NAPRT: variants seen among roughly 807,000 people sequenced by gnomAD.
The protein encoded by NAPRT is FHA-HIT-interacting protein.
NAPRT carries 66 observed loss-of-function variants against 60.7 expected under a neutral mutation model. The observed-to-expected ratio is 1.09, with a 90% CI of 0.89 to 1.33. The LOEUF (loss-of-function observed/expected upper bound fraction) is 1.33, where lower values mean the gene tolerates loss of function less well. Among genes scored for constraint, NAPRT ranks in the 40% most tolerant of loss-of-function variants. The pLI, the probability that NAPRT is intolerant of heterozygous loss-of-function variation, is 0.00. For synonymous variants in NAPRT, 405 were observed against 335.7 expected, an observed-to-expected ratio of 1.21 and a Z score of -2.26; for missense variants, 818 against 731.5, an observed-to-expected ratio of 1.12 and a Z score of -1.36.
chr8:143,573,478 C>G (rs1430772863), downstream of NAPRT: 1 of 152,184 alleles, frequency 6.6e-6, no homozygotes, highest in Non-Finnish European at 1.5e-5. Context: ...TAAGACTTCT[C>G]AAGATCTGGT....
downstream of NAPRT, chr8:143,573,678 T>A (rs1243021175): frequency 6.6e-6 from 1 of 152,334 alleles, no homozygotes; most frequent in Admixed American, 6.5e-5. Flanking sequence ...TTTACAGCAG[T>A]GCAAGAACGG....
Position 143,577,796 on chromosome 8 carries a change from G to GCCCGCTTA in NAPRT, c.354+12_354+19dup. 6.3e-7 allele frequency: 1 copy of GCCCGCTTA among 1,592,126 alleles called. No individual in the cohort carries two copies. The highest frequency in any genetic ancestry group is 1.1e-5 in the South Asian group (1 of 89,188). On this transcript the variant is annotated intron_variant, in intron 2 of 12. Transcript: ENST00000449291. ...CCCAGCACCCCGTGGCCGCCGCGCC[G>GCCCGCTTA]CCCGCTTACCCCTACTCACTCCGGG...
Position 143,576,475 on chromosome 8 carries a change from G to GC in NAPRT, c.978dup (p.Gln327AlafsTer33). On this transcript the variant is annotated frameshift_variant, in exon 7 of 13. Coordinates refer to ENST00000449291, the MANE Select transcript of NAPRT (RefSeq NM_145201.6). LOFTEE classifies it high-confidence loss of function. ...AAGACCTTGCGGATCTCCTGAGCCT[G>GC]CTGTAGCAGGTCACCACTGTCCAGC... The GC allele has an allele frequency of 6.2e-7, 1 of 1,612,282 alleles. No homozygotes were observed. The highest frequency in any genetic ancestry group is 8.5e-7 in the Non-Finnish European group (1 of 1,179,588).
At position 143,575,039 on chromosome 8, in the gene NAPRT, G is replaced by C. The variant is rs775248210; in HGVS notation, c.1501C>G (p.Leu501Val). 11 of 1,508,266 alleles carry C rather than the reference G, an allele frequency of 7.3e-6. No individual in the cohort carries two copies. The South Asian group carries it at 1.0e-4, about 14-fold the overall frequency. 93.4% of individuals were successfully genotyped at this position (1,508,266 alleles called of 1,614,324 possible). The change falls in exon 12 of 13, where the codon CTG becomes GTG. Residue 501 changes from leucine (L) to valine (V), a missense_variant. Physicochemically the swap from Leu to Val is conservative, Grantham distance 32. Transcript: ENST00000449291. ...AESRALAQLS[L>V]SRLSPEHRRL... ...CTGTGCTCAGGGCTGAGTCGGCTCA[G>C]GGACAGCTGGGCCAAGGCTCTAGAC...
Position 143,577,911 on chromosome 8 carries a change from C to G in NAPRT, c.259G>C (p.Asp87His). Residue 87 changes from aspartate (D) to histidine (H), a missense_variant, in exon 2 of 13, where the codon GAC becomes CAC. Physicochemically the swap from Asp to His is moderately conservative, Grantham distance 81 (BLOSUM62 -1). Coordinates refer to ENST00000449291, the MANE Select transcript of NAPRT (RefSeq NM_145201.6). ...VQFLASVLPP[D>H]TDPAFFEHLR... ...TGCTCGAAGAACGCAGGATCCGTGT[C>G]TGGGGGCAGCACCGAGGCCAGGAAC... The G allele has an allele frequency of 6.8e-6, 11 of 1,612,024 alleles. No individual in the cohort carries two copies. The highest frequency in any genetic ancestry group is 9.3e-6 in the Non-Finnish European group (11 of 1,179,518).
At position 143,575,474 on chromosome 8, in the gene NAPRT, T is replaced by C. The variant is rs1329846085; in HGVS notation, c.1240A>G (p.Lys414Glu). 6.3e-7 allele frequency: 1 copy of C among 1,597,424 alleles called. No homozygotes were observed. Among genetic ancestry groups the C allele is most frequent in the South Asian group, 1.1e-5 (1 of 90,808 alleles). ...GCCTTGCTCCCAGGCAACGTCTGCTTCTCGGGGTCCTCGGTCAGCTTCATT... is the reference window on the plus strand; with the variant it reads ...GCCTTGCTCCCAGGCAACGTCTGCTCCTCGGGGTCCTCGGTCAGCTTCATT... ...PRMKLTEDPE[K>E]QTLPGSKAAF... Residue 414 changes from lysine (K) to glutamate (E), a missense_variant, in exon 10 of 13, where the codon AAG (lysine) becomes GAG (glutamate). By Grantham distance (56) the Lys-to-Glu change is moderately conservative. Coordinates refer to ENST00000449291, the MANE Select transcript of NAPRT (RefSeq NM_145201.6).
Position 143,577,391 on chromosome 8 carries a change from G to C in NAPRT, c.446C>G (p.Ala149Gly), listed in dbSNP as rs1824550532. 1.2e-6 allele frequency: 2 copies of C among 1,606,648 alleles called. No homozygotes were observed. Among genetic ancestry groups the C allele is most frequent in the African/African-American group, 1.3e-5 (1 of 74,860 alleles). Residue 149 changes from alanine (A) to glycine (G), a missense_variant, in exon 4 of 13, where the codon GCC becomes GGC. Transcript: ENST00000449291. ...LCLVSYASLV[A>G]TNAARLRLIA... ...CAAGCGAAGCCGCGCTGCGTTGGTG[G>C]CCACCAGGCTGTGGGGAGCCAAGAG...
downstream of NAPRT, chr8:143,574,750 G>A (rs1367300216): frequency 6.7e-7 from 1 of 1,497,986 alleles, no homozygotes; most frequent in Non-Finnish European, 9.1e-7. Context: ...CCCGTGGGCT[G>A]GGTGAACAAA....
Position 143,574,789 on chromosome 8 carries a change from G to A in NAPRT, c.*49C>T. On this transcript the variant is annotated 3_prime_UTR_variant, in exon 13 of 13. Coordinates refer to ENST00000449291, the MANE Select transcript of NAPRT (RefSeq NM_145201.6). ...CACAAACAACACAGGACAAGCTGTG[G>A]GGAAAAGTGAGTGATTCGTGTTGTT... 6.5e-7 allele frequency: 1 copy of A among 1,547,068 alleles called. No individual in the cohort carries two copies. The highest frequency in any genetic ancestry group is 8.7e-7 in the Non-Finnish European group (1 of 1,143,670).
chr8:143,574,598 G>C (rs948332338), downstream of NAPRT: 82 of 609,090 alleles, frequency 1.3e-4, no homozygotes, highest in African/African-American at 1.1e-3. Flanking sequence ...CAAAGCCGGG[G>C]AACTCCTCAC....
At position 143,576,719 on chromosome 8, in the gene NAPRT, C is replaced by T. The variant is rs760670006; in HGVS notation, c.808G>A (p.Ala270Thr). 1.4e-5 allele frequency: 22 copies of T among 1,609,488 alleles called. No individual in the cohort carries two copies. The highest frequency in any genetic ancestry group is 1.7e-5 in the Non-Finnish European group (20 of 1,179,182). Residue 270 changes from alanine to threonine, a missense_variant, in exon 6 of 13, where the codon GCA (alanine) becomes ACA (threonine). Coordinates refer to ENST00000449291, the MANE Select transcript of NAPRT (RefSeq NM_145201.6). The part of the protein sequence containing the change: ...GVQEPHPGER[A>T]AFVAYALAFP... ...GCCAAGGCATAGGCCACAAAGGCTG[C>T]CCGCTCGCCTGGATGCGGCTCCTGC...
At position 143,578,129 on chromosome 8, in the gene NAPRT, C is replaced by T; in HGVS notation, c.190G>A (p.Val64Met). The T allele has an allele frequency of 2.6e-6, 4 of 1,525,768 alleles. No individual in the cohort carries two copies. The highest frequency in any genetic ancestry group is 3.5e-6 in the Non-Finnish European group (4 of 1,143,342). The allele number at this position is 1,525,768 out of a possible 1,614,324, so 94.5% of individuals were successfully genotyped here. ...AGGCGGAAGGCGCGCAGGAAGCGCA[C>T]ACAGTCGCGCAAGCCGGCGGCCAAG... ...FALAAGLRDCVRFLRAFRLRD... is the reference protein window; with the variant it reads ...FALAAGLRDCMRFLRAFRLRD... The change falls in exon 1 of 13, where the codon GTG (valine) becomes ATG (methionine). Residue 64 changes from valine to methionine, a missense_variant. Coordinates refer to ENST00000449291, the MANE Select transcript of NAPRT (RefSeq NM_145201.6).
At position 143,576,109 on chromosome 8, in the gene NAPRT, T is replaced by A; in HGVS notation, c.1076A>T (p.Asp359Val). ...SVLIVVSNNIDEEALARLAQE... is the reference protein window; with the variant it reads ...SVLIVVSNNIVEEALARLAQE... ...GGCCAGTCGGGCCAGCGCCTCCTCG[T>A]CAATGTTGTTGCTGACTACGATGAG... Residue 359 changes from aspartate to valine, a missense_variant, in exon 8 of 13, where the codon GAC becomes GTC. By Grantham distance (152) the Asp-to-Val change is radical (BLOSUM62 -3). Transcript: ENST00000449291. 6.2e-7 allele frequency: 1 copy of A among 1,605,538 alleles called. No homozygotes were observed. Among genetic ancestry groups the A allele is most frequent in the South Asian group, 1.1e-5 (1 of 90,610 alleles).
At chr8:143,576,597 G>A in intron 6 of NAPRT, 25 bp from the exon 7 acceptor site, 8 of 1,606,260 alleles carry the variant, frequency 5.0e-6, no homozygotes, top group Non-Finnish European at 6.8e-6. Flanking sequence ...AAGGGAGTCA[G>A]AGGCTGCTGA....
rs776393408 is a variant in NAPRT at position 143,577,081 on chromosome 8, C to A, written c.665G>T (p.Ser222Ile). The A allele has an allele frequency of 2.0e-5, 32 of 1,612,804 alleles. No individual in the cohort carries two copies. Among genetic ancestry groups the A allele is most frequent in the Non-Finnish European group, 2.7e-5 (32 of 1,179,878 alleles). The change falls in exon 5 of 13, where the codon AGC (serine) becomes ATC (isoleucine). Residue 222 changes from serine (S) to isoleucine (I), a missense_variant. Ser to Ile is a moderately radical substitution (Grantham distance 142). Transcript: ENST00000449291. ...AHSFVTSFSGSEVPPDPMLAP... is the reference protein window; with the variant it reads ...AHSFVTSFSGIEVPPDPMLAP... Reference sequence around the variant, plus strand: ...ACTGACCGGGTCAGGGGGCACCTCGCTGCCTGAAAAGGAAGTGACGAAGGA... The same window carrying A: ...ACTGACCGGGTCAGGGGGCACCTCGATGCCTGAAAAGGAAGTGACGAAGGA...
chr8:143,576,651 C>T lies in NAPRT; in HGVS notation c.876G>A (p.Val292=). 1.9e-6 allele frequency: 3 copies of T among 1,609,666 alleles called. No homozygotes were observed. The highest frequency in any genetic ancestry group is 1.7e-6 in the Non-Finnish European group (2 of 1,178,048). Residue 292 remains valine (V), a synonymous_variant, in exon 6 of 13, where the codon GTG becomes GTA. Coordinates refer to ENST00000449291, the MANE Select transcript of NAPRT (RefSeq NM_145201.6). ...CCTAAAGTGCCCGGGCTCACCTCCA[C>T]ACGCTGTAGGTGTCCAGGAGGCCCT... The part of the protein sequence containing the change: ...AFQGLLDTYS[V]WRSGLPNFLA...
In NAPRT at chr8:143,576,861, G is replaced by A; in HGVS notation, c.685-19C>T. On this transcript the variant is annotated intron_variant, in intron 5 of 12. Coordinates refer to ENST00000449291, the MANE Select transcript of NAPRT (RefSeq NM_145201.6). Reference sequence around the variant, plus strand: ...CCAACATCTGTGGAACAGAGTCGGTGAAGAATGGGGGCCAGGAATGCAGGA... The same window carrying A: ...CCAACATCTGTGGAACAGAGTCGGTAAAGAATGGGGGCCAGGAATGCAGGA... 1.9e-6 allele frequency: 3 copies of A among 1,582,052 alleles called. No individual in the cohort carries two copies. The highest frequency in any genetic ancestry group is 1.1e-5 in the South Asian group (1 of 88,752).
chr8:143,577,584 C>T (rs1305231675), intron 3 of NAPRT, 73 bp downstream of exon 3: 2 of 1,512,948 alleles, frequency 1.3e-6, no homozygotes, highest in Non-Finnish European at 1.8e-6. Flanking sequence ...CCCGCCGCCA[C>T]AGTCCAGCAC....
chr8:143,576,682 G>T lies in NAPRT; in HGVS notation c.845C>A (p.Ala282Asp), dbSNP rs555941939. The T allele has an allele frequency of 2.5e-6, 4 of 1,611,358 alleles. No homozygotes were observed. The highest frequency in any genetic ancestry group is 2.2e-5 in the South Asian group (2 of 90,914). Residue 282 changes from alanine (A) to aspartate (D), a missense_variant, in exon 6 of 13, where the codon GCC (alanine) becomes GAC (aspartate). By Grantham distance (126) the Ala-to-Asp change is moderately radical. Coordinates refer to ENST00000449291, the MANE Select transcript of NAPRT (RefSeq NM_145201.6). Reference sequence around the variant, plus strand: ...GTAGGTGTCCAGGAGGCCCTGGAAGGCCCGGGGAAAAGCCAAGGCATAGGC... The same window carrying T: ...GTAGGTGTCCAGGAGGCCCTGGAAGTCCCGGGGAAAAGCCAAGGCATAGGC... ...FVAYALAFPRAFQGLLDTYSV... is the reference protein window; with the variant it reads ...FVAYALAFPRDFQGLLDTYSV...
Sources: allele counts gnomAD v4.1 joint callset, GRCh38; gene constraint gnomAD v4.1.1; transcripts MANE v1.5; gene names NCBI Gene and HGNC (gene_info 2026-07-23, HGNC 2026-07-21).